TRAF3: variants seen among roughly 807,000 people sequenced by gnomAD.
TRAF3 encodes TNF receptor-associated factor 3.
A neutral mutation model predicts 62.3 loss-of-function variants in TRAF3; 13 were observed. That is an observed-to-expected ratio of 0.21 (90% CI 0.14 to 0.33). The LOEUF is 0.33. TRAF3 is among the 10% of genes least tolerant of loss of function. The pLI, the probability that TRAF3 is intolerant of heterozygous loss-of-function variation, is 1.00. For missense variants in TRAF3, 440 were observed against 741.8 expected (o/e 0.59, Z 4.73); for synonymous variants, 269 against 283.4 (o/e 0.95, Z 0.51).
At chr14:102,808,116 G>T (rs569438729) in intron 1 of TRAF3, among the ~76,000 whole-genome samples, 2 of 152,326 alleles carry the variant, frequency 1.3e-5, no homozygotes, top group Admixed American at 6.5e-5. Context: ...TGGACAGGAA[G>T]TGGGAGGGGA....
chr14:102,884,617 C>T (rs1288735419), intron 6 of TRAF3, among the ~76,000 whole-genome samples: 1 of 152,096 alleles, frequency 6.6e-6, no homozygotes, highest in East Asian at 1.9e-4. Context: ...CGAGACCAGC[C>T]TGGCCAACAT....
At chr14:102,803,275 G>A (rs1898555117) in intron 1 of TRAF3, among the ~76,000 whole-genome samples, 1 of 152,152 alleles carries the variant, frequency 6.6e-6, no homozygotes, top group Non-Finnish European at 1.5e-5. Flanking sequence ...TTACAGTCTT[G>A]GAATGTCAGC....
chr14:102,840,078 A>G (rs1886286481), intron 2 of TRAF3, among the ~76,000 whole-genome samples: 1 of 152,130 alleles, frequency 6.6e-6, no homozygotes, highest in African/African-American at 2.4e-5. Context: ...CCAACCCAGG[A>G]CTAGGGTAAG....
At chr14:102,810,368 G>A (rs1017216662) in intron 1 of TRAF3, among the ~76,000 whole-genome samples, 2 of 152,256 alleles carry the variant, frequency 1.3e-5, no homozygotes, top group East Asian at 1.9e-4. Flanking sequence ...AGTGATCATG[G>A]CCCCTTTTAC....
rs1225782660 is a variant in TRAF3 at position 102,903,997 on chromosome 14, A to C, written c.1135+568A>C. The C allele has an allele frequency of 5.6e-6, 2 of 360,032 alleles. No homozygotes were observed. Among genetic ancestry groups the C allele is most frequent in the East Asian group, 1.5e-4 (2 of 13,574 alleles). 22.3% of individuals were successfully genotyped at this position (360,032 alleles called of 1,614,324 possible). ...CAGGCAGAGAATGAGGTTGGAGGAG[A>C]GGGGAGCAGCTTCGCCTCCAAGAGA... On this transcript the variant is annotated intron_variant, in intron 11 of 11. Coordinates refer to ENST00000392745, the MANE Select transcript of TRAF3 (RefSeq NM_145725.3). The surrounding 1 kb of genome is among the most constrained non-coding windows in gnomAD (Gnocchi z 6.4).
intron 1 of TRAF3, among the ~76,000 whole-genome samples, chr14:102,781,207 G>A (rs956222899): frequency 1.3e-5 from 2 of 152,202 alleles, no homozygotes; most frequent in Admixed American, 6.5e-5. Context: ...TGGTAAGATG[G>A]GATCTGACGG....
At chr14:102,861,226 A>G (rs1887659637) in intron 2 of TRAF3, among the ~76,000 whole-genome samples, 1 of 152,206 alleles carries the variant, frequency 6.6e-6, no homozygotes, top group African/African-American at 2.4e-5. Flanking sequence ...ATAATCTTGG[A>G]CATGTCTAGT....
At chr14:102,811,318 A>G (rs1899118690) in intron 1 of TRAF3, among the ~76,000 whole-genome samples, 2 of 149,844 alleles carry the variant, frequency 1.3e-5, no homozygotes, top group South Asian at 4.2e-4. Flanking sequence ...TTTTTTCTTA[A>G]GAGAGAGTCT....
At chr14:102,818,792 T>C (rs528435806) in intron 1 of TRAF3, among the ~76,000 whole-genome samples, 1 of 152,224 alleles carries the variant, frequency 6.6e-6, no homozygotes, top group Non-Finnish European at 1.5e-5. Context: ...TATTGTATAT[T>C]TCAAAATTGC....
intron 6 of TRAF3, among the ~76,000 whole-genome samples, chr14:102,884,974 A>G (rs1889291076): frequency 6.6e-6 from 1 of 152,140 alleles, no homozygotes; most frequent in Non-Finnish European, 1.5e-5. Flanking sequence ...CTGGGAGTGG[A>G]GACTGGTGTG....
chr14:102,783,632 T>G (rs1897355893), intron 1 of TRAF3, among the ~76,000 whole-genome samples: 1 of 152,228 alleles, frequency 6.6e-6, no homozygotes, highest in Non-Finnish European at 1.5e-5. Flanking sequence ...GCTGATTGTT[T>G]TAATATAAAC....
At chr14:102,865,813 AT>A (rs1887955992) in intron 2 of TRAF3, 1 of 152,182 alleles carries the variant, frequency 6.6e-6, no homozygotes, top group Admixed American at 6.5e-5. Flanking sequence ...TAAAATTAAG[AT>A]TTCTCTTCAT....
chr14:102,783,146 C>T (rs546047700), intron 1 of TRAF3, among the ~76,000 whole-genome samples: 1 of 152,228 alleles, frequency 6.6e-6, no homozygotes, highest in East Asian at 1.9e-4. Context: ...TTCTGCAAGC[C>T]GGGGAGACAG....
chr14:102,873,107 CTG>C (rs995851106), intron 4 of TRAF3, among the ~76,000 whole-genome samples: 1 of 152,222 alleles, frequency 6.6e-6, no homozygotes, highest in Non-Finnish European at 1.5e-5. Flanking sequence ...AATTCTTACT[CTG>C]GGGTTTTCCT....
Position 102,833,043 on chromosome 14 carries a change from C to A in TRAF3, c.-18+2571C>A, listed in dbSNP as rs8008367. Among the ~76,000 whole-genome samples the A allele has an allele frequency of 6.9e-3, 1,053 of 152,294 alleles. 20 individuals carry two copies. The highest frequency in any genetic ancestry group is 0.024 in the African/African-American group (994 of 41,554). ...CCCATATCCACATAAATGGGTGTGA[C>A]CTCCATGTGCACTGTGCACTTCCCT... On this transcript the variant is annotated intron_variant, in intron 2 of 11. Coordinates refer to ENST00000392745, the MANE Select transcript of TRAF3 (RefSeq NM_145725.3).
intron 6 of TRAF3, among the ~76,000 whole-genome samples, chr14:102,881,389 C>CAA (rs1889050003): frequency 5.2e-5 from 4 of 76,884 alleles, no homozygotes; most frequent in African/African-American, 3.1e-4. Context: ...GTCTCAACAA[C>CAA]AAAAACAAAA....
At chr14:102,847,644 C>T (rs566518305) in intron 2 of TRAF3, among the ~76,000 whole-genome samples, 1 of 152,126 alleles carries the variant, frequency 6.6e-6, no homozygotes, top group Non-Finnish European at 1.5e-5. Flanking sequence ...TTCCATATAT[C>T]TCCTTAAAAC....
At chr14:102,876,208 G>T in intron 5 of TRAF3, 150 bp from the exon 6 acceptor site, 1 of 771,840 alleles carries the variant, frequency 1.3e-6, no homozygotes. Context: ...AGTGTCTCTT[G>T]GCATACTTGT....
In TRAF3 at chr14:102,826,387, G is replaced by A. The variant is rs566428207; in HGVS notation, c.-156-3947G>A. 1.1e-4 allele frequency among the ~76,000 whole-genome samples: 17 copies of A among 152,312 alleles called. No individual in the cohort carries two copies. The East Asian group carries it at 2.9e-3, about 26-fold the overall frequency. On this transcript the variant is annotated intron_variant, in intron 1 of 11. Transcript: ENST00000392745. The surrounding 1 kb of genome is among the most constrained non-coding windows in gnomAD (Gnocchi z 4.6). Reference sequence around the variant, plus strand: ...GAGCACCGCAGATACCACCCTGACCGCCACTGCAGGGCTTCTGTGCGGGGG... The same window carrying A: ...GAGCACCGCAGATACCACCCTGACCACCACTGCAGGGCTTCTGTGCGGGGG...
Sources: allele counts gnomAD v4.1 joint callset (sites outside exome capture counted in the v4.1 genomes callset), GRCh38; gene constraint gnomAD v4.1.1; non-coding constraint Gnocchi (gnomAD v3.1); transcripts MANE v1.5; gene names NCBI Gene and HGNC (gene_info 2026-07-23, HGNC 2026-07-21).